Variants in AUTS2 observed in about 807,000 individuals in gnomAD.
The protein encoded by AUTS2 is autism susceptibility gene 2 protein.
A neutral mutation model predicts 112.4 loss-of-function variants in AUTS2; 17 were observed. That is an observed-to-expected ratio of 0.15 (90% confidence interval 0.10 to 0.23). AUTS2 has a LOEUF of 0.23. Among genes scored for constraint, AUTS2 ranks in the 10% least tolerant of loss-of-function variants. The pLI is 1.00. For synonymous variants in AUTS2, 751 were observed against 702.7 expected (o/e 1.07, Z -1.09); for missense variants, 1,510 against 1,701.6 (o/e 0.89, Z 1.98).
chr7:70,172,314 C>T (rs145015499), intron 4 of AUTS2, among the ~76,000 whole-genome samples: 5 of 152,308 alleles, frequency 3.3e-5, no homozygotes, highest in Non-Finnish European at 7.3e-5. Context: ...TTCCAGGTAG[C>T]TCTCATTTTA....
chr7:70,062,654 T>G (rs1455447274), intron 2 of AUTS2, among the ~76,000 whole-genome samples: 2 of 152,242 alleles, frequency 1.3e-5, no homozygotes, highest in African/African-American at 4.8e-5. Flanking sequence ...TAAATTATAG[T>G]GCTTCTCTCT....
intron 4 of AUTS2, among the ~76,000 whole-genome samples, chr7:70,372,816 A>G (rs1457138881): frequency 6.6e-6 from 1 of 152,090 alleles, no homozygotes; most frequent in Non-Finnish European, 1.5e-5. Flanking sequence ...CCAGGGGACT[A>G]ATCTGCTGAA....
intron 1 of AUTS2, among the ~76,000 whole-genome samples, chr7:69,713,461 T>G (rs1232539212): frequency 7.4e-6 from 1 of 135,164 alleles, no homozygotes; most frequent in Admixed American, 7.4e-5. Flanking sequence ...CTTTCAAGAG[T>G]TTTTTTTTTT....
intron 2 of AUTS2, among the ~76,000 whole-genome samples, chr7:69,911,917 T>G (rs1252638091): frequency 6.6e-6 from 1 of 152,112 alleles, no homozygotes; most frequent in Admixed American, 6.5e-5. Flanking sequence ...GGAATTTCAC[T>G]GGGGACCTGT....
intron 1 of AUTS2, among the ~76,000 whole-genome samples, chr7:69,783,491 C>G (rs1789235876): frequency 6.6e-6 from 1 of 152,030 alleles, no homozygotes; most frequent in African/African-American, 2.4e-5. Flanking sequence ...GTTGTGCTCA[C>G]ACTGATTTTT....
At chr7:70,568,141 A>G (rs1585312313) in intron 5 of AUTS2, among the ~76,000 whole-genome samples, 1 of 152,212 alleles carries the variant, frequency 6.6e-6, no homozygotes, top group Admixed American at 6.5e-5. Flanking sequence ...ATAGTTCAGA[A>G]TAAGTCACTT....
At chr7:70,566,902 G>A (rs1393725014) in intron 5 of AUTS2, among the ~76,000 whole-genome samples, 1 of 152,188 alleles carries the variant, frequency 6.6e-6, no homozygotes, top group African/African-American at 2.4e-5. Context: ...AAGAGTGTTG[G>A]TCAGCTTAAA....
At chr7:70,353,484 G>A (rs1465308109) in intron 4 of AUTS2, among the ~76,000 whole-genome samples, 1 of 152,034 alleles carries the variant, frequency 6.6e-6, no homozygotes, top group African/African-American at 2.4e-5. Flanking sequence ...CTGCAGGAGG[G>A]TGGCTGACCC....
chr7:69,911,433 A>T, intron 2 of AUTS2, among the ~76,000 whole-genome samples: 1 of 152,246 alleles, frequency 6.6e-6, no homozygotes, highest in East Asian at 1.9e-4. Context: ...CAGGGGGGAA[A>T]GTGTGTTTCA....
chr7:70,640,225 C>T (rs2129540022), intron 5 of AUTS2, among the ~76,000 whole-genome samples: 1 of 151,932 alleles, frequency 6.6e-6, no homozygotes, highest in African/African-American at 2.4e-5. Flanking sequence ...CGAAAATATA[C>T]TTTAGAACAT....
At chr7:69,704,470 G>T (rs897593434) in intron 1 of AUTS2, among the ~76,000 whole-genome samples, 1 of 152,004 alleles carries the variant, frequency 6.6e-6, no homozygotes, top group Non-Finnish European at 1.5e-5. Flanking sequence ...AGTAGAGACG[G>T]GATTTCATCG....
At chr7:70,451,354 C>T (rs964515858) in intron 5 of AUTS2, among the ~76,000 whole-genome samples, 3 of 152,070 alleles carry the variant, frequency 2.0e-5, no homozygotes, top group South Asian at 2.1e-4. Flanking sequence ...CATGTACCCC[C>T]GAATCTAAAA....
chr7:70,489,767 T>C (rs1798163116), intron 5 of AUTS2, among the ~76,000 whole-genome samples: 1 of 152,112 alleles, frequency 6.6e-6, no homozygotes, highest in Non-Finnish European at 1.5e-5. Context: ...CTTATGATGA[T>C]CGAATTCTGA....
intron 4 of AUTS2, among the ~76,000 whole-genome samples, chr7:70,208,962 A>C (rs1348714263): frequency 1.3e-5 from 2 of 152,110 alleles, no homozygotes; most frequent in Non-Finnish European, 2.9e-5. Context: ...GTTATACGGA[A>C]CTTAGTTCTA....
At chr7:69,898,129 T>C (rs949391305) in intron 1 of AUTS2, among the ~76,000 whole-genome samples, 3 of 152,208 alleles carry the variant, frequency 2.0e-5, no homozygotes, top group Non-Finnish European at 2.9e-5. Flanking sequence ...CTGATGTGAT[T>C]ATTACACATT....
chr7:69,950,725 C>T (rs542702006), intron 2 of AUTS2, among the ~76,000 whole-genome samples: 8 of 152,090 alleles, frequency 5.3e-5, no homozygotes, highest in South Asian at 2.1e-4. Context: ...ATGCTGTATA[C>T]GGATTTTCTA....
chr7:70,371,685 T>A (rs1436238981), intron 4 of AUTS2, among the ~76,000 whole-genome samples: 1 of 152,212 alleles, frequency 6.6e-6, no homozygotes. Flanking sequence ...GTGATGCTTT[T>A]CAAGGTAATG....
chr7:69,684,564 C>A lies in AUTS2; in HGVS notation c.309+84602C>A, dbSNP rs569202032. The stretch of plus-strand genomic sequence containing the variant: ...CCTCTGAGCCGGGTGTAGCTTGCAG[C>A]CAGTACATCAGAGCTCCAGTATTCC... On this transcript the variant is annotated intron_variant, in intron 1 of 18. Transcript: ENST00000342771. Among the ~76,000 whole-genome samples, 6 of 152,294 alleles carry A rather than the reference C, an allele frequency of 3.9e-5. No individual in the cohort carries two copies. The South Asian group carries it at 1.2e-3, about 32-fold the overall frequency.
chr7:70,472,185 G>A (rs748709625), intron 5 of AUTS2, among the ~76,000 whole-genome samples: 6 of 152,136 alleles, frequency 3.9e-5, no homozygotes, highest in South Asian at 2.1e-4. Context: ...GTCCTTTGGC[G>A]TAGCTTTTAC....
Sources: allele counts gnomAD v4.1 joint callset (sites outside exome capture counted in the v4.1 genomes callset), GRCh38; gene constraint gnomAD v4.1.1; transcripts MANE v1.5; gene names NCBI Gene and HGNC (gene_info 2026-07-23, HGNC 2026-07-21).